The following PPIL2 variants were observed in gnomAD, a reference collection of about 807,000 sequenced individuals.
PPIL2 encodes the protein peptidylprolyl isomerase like 2.
A neutral mutation model predicts 75.2 loss-of-function variants in PPIL2; 50 were observed. The observed-to-expected ratio is 0.66, with a 90% CI of 0.53 to 0.84. The LOEUF is 0.84. PPIL2 is among the 40% of genes least tolerant of loss of function. The pLI is 0.00. For missense variants in PPIL2, 590 were observed against 685.0 expected (o/e 0.86, Z 1.55); for synonymous variants, 245 against 258.8 (o/e 0.95, Z 0.51).
intron 16 of PPIL2, among the ~76,000 whole-genome samples, chr22:21,694,365 A>G (rs2067819844): frequency 6.6e-6 from 1 of 151,096 alleles, no homozygotes. Context: ...TGGGTGGGGG[A>G]AACCAAAAAA....
rs1181659475 is a variant in PPIL2, at chr22:21,691,981, C to A, written c.1140-1835C>A. On this transcript the variant is annotated intron_variant, in intron 15 of 19. Coordinates refer to ENST00000398831, the MANE Select transcript of PPIL2 (RefSeq NM_014337.4). ...AGGTTAAGTCCTGTGTCTCACCAGC[C>A]GGGTTGTGGGCTGTGCCTGCCTGCA... Among the ~76,000 whole-genome samples the A allele has an allele frequency of 2.0e-5, 3 of 152,204 alleles. No individual in the cohort carries two copies. In the East Asian group the frequency reaches 5.8e-4, roughly 29 times the overall value.
chr22:21,681,366 G>A lies in PPIL2; in HGVS notation c.363G>A (p.Thr121=), dbSNP rs746372969. ...ACACCCACATCGTGGCTGTGAGGACGACCGGCAACGTCTACGCCTATGAGG... is the reference window on the plus strand; with the variant it reads ...ACACCCACATCGTGGCTGTGAGGACAACCGGCAACGTCTACGCCTATGAGG... ...TNNTHIVAVR[T]TGNVYAYEAV... is the part of the protein sequence containing the mutation. The change falls in exon 7 of 20, where the codon ACG becomes ACA. Residue 121 remains threonine, a synonymous_variant. Transcript: ENST00000398831. The A allele has an allele frequency of 9.3e-6, 15 of 1,613,814 alleles. No individual in the cohort carries two copies. The highest frequency in any genetic ancestry group is 4.4e-5 in the South Asian group (4 of 91,076).
At chr22:21,666,477 T>G (rs2148489235) in intron 1 of PPIL2, among the ~76,000 whole-genome samples, 1 of 152,310 alleles carries the variant, frequency 6.6e-6, no homozygotes, top group East Asian at 1.9e-4. Context: ...TTCTGGTTCA[T>G]GCCTATCAGC....
chr22:21,694,814 C>A lies in PPIL2; in HGVS notation c.1329C>A (p.Ala443=), dbSNP rs1172995963. ...TGGACCCCTATGAGGAGGCCGATGC[C>A]CAGGTGAGGGGGCACGATGCCACCA... ...VFVDPYEEAD[A]QIAQERKTQL... The change falls in exon 18 of 20, where the codon GCC becomes GCA. Residue 443 remains alanine (A), a synonymous_variant. Transcript: ENST00000398831. The A allele has an allele frequency of 6.2e-7, 1 of 1,600,308 alleles. No individual in the cohort carries two copies. The highest frequency in any genetic ancestry group is 1.3e-5 in the African/African-American group (1 of 74,704).
At chr22:21,681,412 T>G (rs767122880) in intron 7 of PPIL2, 22 bp downstream of exon 7, 1 of 1,584,960 alleles carries the variant, frequency 6.3e-7, no homozygotes, top group Admixed American at 1.7e-5. Context: ...CTCCGGGGCG[T>G]GGAGACAGCG....
At chr22:21,674,842 G>A (rs1420682778) in intron 5 of PPIL2, among the ~76,000 whole-genome samples, 2 of 152,208 alleles carry the variant, frequency 1.3e-5, no homozygotes, top group Admixed American at 1.3e-4. Flanking sequence ...CACCCGTGAC[G>A]GCTCTTCTCA....
At chr22:21,675,155 C>A in intron 6 of PPIL2, 40 bp downstream of exon 6, 1 of 1,552,358 alleles carries the variant, frequency 6.4e-7, no homozygotes, top group South Asian at 1.1e-5. Context: ...GCTTGACCTG[C>A]AGACCCAAGG....
intron 5 of PPIL2, 40 bp downstream of exon 5, chr22:21,672,421 G>A: frequency 1.3e-6 from 2 of 1,549,268 alleles, no homozygotes; most frequent in African/African-American, 2.7e-5. Context: ...GCTAGTGAAT[G>A]CTATCCTCTC....
At chr22:21,691,741 CT>C (rs2067649542) in intron 15 of PPIL2, among the ~76,000 whole-genome samples, 1 of 151,970 alleles carries the variant, frequency 6.6e-6, no homozygotes, top group Non-Finnish European at 1.5e-5. Context: ...GGTTCTTTTA[CT>C]TTCCTCTTAT....
rs1170927681 is a variant in PPIL2 at position 21,696,370 on chromosome 22, G to A, written c.*880G>A. 4.4e-6 allele frequency: 5 copies of A among 1,146,822 alleles called. No individual in the cohort carries two copies. The highest frequency in any genetic ancestry group is 4.7e-5 in the Admixed American group (1 of 21,472). The allele number at this position is 1,146,822 out of a possible 1,614,324, so 71.0% of individuals were successfully genotyped here. Reference sequence around the variant, plus strand: ...TCTCCTGCTGTGAGAACAAGTGGATGTCCCTCTCCCCGCCCTCCTGCTGAA... The same window carrying A: ...TCTCCTGCTGTGAGAACAAGTGGATATCCCTCTCCCCGCCCTCCTGCTGAA... On this transcript the variant is annotated 3_prime_UTR_variant, in exon 20 of 20. Coordinates refer to ENST00000398831, the MANE Select transcript of PPIL2 (RefSeq NM_014337.4).
At position 21,695,650 on chromosome 22, in the gene PPIL2, T is replaced by G; in HGVS notation, c.*160T>G. The stretch of plus-strand genomic sequence containing the variant: ...TCCTGGCCCCTGGGAGCCCACAGCC[T>G]TCCCATCCCTTAACCTGTTGCCAAG... On this transcript the variant is annotated 3_prime_UTR_variant, in exon 20 of 20. Transcript: ENST00000398831. 6.9e-7 allele frequency: 1 copy of G among 1,445,490 alleles called. No homozygotes were observed. Among genetic ancestry groups the G allele is most frequent in the South Asian group, 1.4e-5 (1 of 71,078 alleles). 89.5% of individuals were successfully genotyped at this position (1,445,490 alleles called of 1,614,324 possible).
chr22:21,687,550 C>CA (rs36108489), intron 12 of PPIL2, 93 bp from the exon 13 acceptor site: 84,759 of 302,640 alleles, frequency 0.28, 14,616 homozygotes, highest in African/African-American at 0.51. Context: ...GACTCCACCT[C>CA]AAAAAAAAAA....
chr22:21,698,996 C>T (rs2068035831), downstream of PPIL2: 1 of 152,450 alleles, frequency 6.6e-6, no homozygotes, highest in Non-Finnish European at 1.5e-5. Context: ...CTCTGTCACT[C>T]CTGCTGAGTG....
In PPIL2 at chr22:21,686,899, C is replaced by A; in HGVS notation, c.798C>A (p.Ile266=). Residue 266 remains isoleucine, a synonymous_variant, in exon 12 of 20, where the codon ATC becomes ATA. Coordinates refer to ENST00000398831, the MANE Select transcript of PPIL2 (RefSeq NM_014337.4). ...VPETTHEAAA[I]DEDVLRYQFV... ...TGGGACCTTGGCTTGTAGCTGCCATCGACGAGGATGTGCTGCGCTACCAGT... is the reference window on the plus strand; with the variant it reads ...TGGGACCTTGGCTTGTAGCTGCCATAGACGAGGATGTGCTGCGCTACCAGT... 6.2e-7 allele frequency: 1 copy of A among 1,613,936 alleles called. No individual in the cohort carries two copies. The highest frequency in any genetic ancestry group is 8.5e-7 in the Non-Finnish European group (1 of 1,179,974).
In PPIL2 at chr22:21,696,439, C is replaced by T. The variant is rs761912247; in HGVS notation, c.*949C>T. On this transcript the variant is annotated 3_prime_UTR_variant, in exon 20 of 20. Transcript: ENST00000398831. Reference sequence around the variant, plus strand: ...GGCCCGGCCACTGGGCTCCAAGACTCTGCTCCTCCTGTCAGTCACTGACTC... The same window carrying T: ...GGCCCGGCCACTGGGCTCCAAGACTTTGCTCCTCCTGTCAGTCACTGACTC... 4.2e-6 allele frequency: 5 copies of T among 1,192,830 alleles called. No homozygotes were observed. Among genetic ancestry groups the T allele is most frequent in the Non-Finnish European group, 5.3e-6 (5 of 949,364 alleles). 73.9% of individuals were successfully genotyped at this position (1,192,830 alleles called of 1,614,324 possible).
chr22:21,689,507 G>A (rs745670724), intron 15 of PPIL2, among the ~76,000 whole-genome samples: 16 of 152,276 alleles, frequency 1.1e-4, no homozygotes, highest in Non-Finnish European at 2.2e-4. Context: ...AACTTTTGGG[G>A]ATCATTGCTC....
chr22:21,696,020 C>A lies in PPIL2; in HGVS notation c.*530C>A. On this transcript the variant is annotated 3_prime_UTR_variant, in exon 20 of 20. Coordinates refer to ENST00000398831, the MANE Select transcript of PPIL2 (RefSeq NM_014337.4). Reference sequence around the variant, plus strand: ...CTGGTTTTCTTACCCCTACTTCTGTCATCTTCTCAGGGACAGCCTATTTAT... The same window carrying A: ...CTGGTTTTCTTACCCCTACTTCTGTAATCTTCTCAGGGACAGCCTATTTAT... 1 of 557,152 alleles carries A rather than the reference C, an allele frequency of 1.8e-6. No individual in the cohort carries two copies. Among genetic ancestry groups the A allele is most frequent in the Non-Finnish European group, 2.3e-6 (1 of 433,238 alleles). 34.5% of individuals were successfully genotyped at this position (557,152 alleles called of 1,614,324 possible).
intron 12 of PPIL2, among the ~76,000 whole-genome samples, chr22:21,687,422 G>A (rs542091533): frequency 1.3e-5 from 2 of 152,144 alleles, no homozygotes; most frequent in South Asian, 4.1e-4. Flanking sequence ...GCATGGTGGC[G>A]CATGCCTGTA....
intron 15 of PPIL2, among the ~76,000 whole-genome samples, chr22:21,689,382 G>A (rs1285148282): frequency 7.3e-6 from 1 of 136,640 alleles, no homozygotes; most frequent in Non-Finnish European, 1.7e-5. Flanking sequence ...CTGATGTTAT[G>A]TTTCAGTCTT....
Sources: allele counts gnomAD v4.1 joint callset (sites outside exome capture counted in the v4.1 genomes callset), GRCh38; gene constraint gnomAD v4.1.1; transcripts MANE v1.5; gene names NCBI Gene and HGNC (gene_info 2026-07-23, HGNC 2026-07-21).